Variants in PTPRD observed in about 807,000 individuals in gnomAD.
PTPRD encodes protein tyrosine phosphatase receptor type D, also known as receptor-type tyrosine-protein phosphatase delta.
PTPRD carries 34 observed loss-of-function variants against 214.5 expected under a neutral mutation model. That is an observed-to-expected ratio of 0.16 (90% CI 0.12 to 0.21). The LOEUF (loss-of-function observed/expected upper bound fraction) is 0.21, where lower values mean the gene tolerates loss of function less well. Among genes scored for constraint, PTPRD ranks in the 10% least tolerant of loss-of-function variants. The pLI, the probability that PTPRD is intolerant of heterozygous loss-of-function variation, is 1.00. For synonymous variants in PTPRD, 1,128 were observed against 845.7 expected, an observed-to-expected ratio of 1.33 and a Z score of -5.79; for missense variants, 2,545 against 2,398.7, an observed-to-expected ratio of 1.06 and a Z score of -1.27.
At chr9:9,850,178 A>G (rs1294291031) in intron 5 of PTPRD, among the ~76,000 whole-genome samples, 3 of 152,142 alleles carry the variant, frequency 2.0e-5, no homozygotes, top group Non-Finnish European at 4.4e-5. Flanking sequence ...CAAGGATGTA[A>G]AAAGCTGAAT....
chr9:8,888,059 G>A (rs1012601507), intron 11 of PTPRD, among the ~76,000 whole-genome samples: 1 of 152,194 alleles, frequency 6.6e-6, no homozygotes. Flanking sequence ...TTAAAAGGAA[G>A]AATAATTACT....
At chr9:10,409,658 C>G (rs975144094) in intron 2 of PTPRD, among the ~76,000 whole-genome samples, 1 of 151,814 alleles carries the variant, frequency 6.6e-6, no homozygotes, top group Non-Finnish European at 1.5e-5. Context: ...ATACTTGACA[C>G]TTTTCTCTTT....
intron 8 of PTPRD, among the ~76,000 whole-genome samples, chr9:9,424,133 G>T (rs1199142405): frequency 6.6e-6 from 1 of 152,168 alleles, no homozygotes; most frequent in African/African-American, 2.4e-5. Flanking sequence ...TGAAGATCTG[G>T]ACCACTTGAA....
At chr9:8,833,476 T>C (rs2097340597) in intron 11 of PTPRD, among the ~76,000 whole-genome samples, 3 of 152,100 alleles carry the variant, frequency 2.0e-5, no homozygotes, top group South Asian at 4.1e-4. Flanking sequence ...TATATTCTAA[T>C]TAGCCTCTAG....
At chr9:8,919,673 A>G (rs12341653) in intron 11 of PTPRD, among the ~76,000 whole-genome samples, 6,635 of 152,176 alleles carry the variant, frequency 0.044, 460 homozygotes, top group African/African-American at 0.15. Context: ...GGAATCACTA[A>G]TGTGTATATA....
chr9:9,521,856 GA>G (rs1023313901), intron 8 of PTPRD, among the ~76,000 whole-genome samples: 2 of 151,792 alleles, frequency 1.3e-5, no homozygotes, highest in African/African-American at 2.4e-5. Context: ...AAATACTACA[GA>G]AAAAAAATGG....
In PTPRD at chr9:8,314,333, C is replaced by G. The variant is rs369727137; in HGVS notation, c.*3541G>C. 1 of 226,564 alleles carries G rather than the reference C, an allele frequency of 4.4e-6. No homozygotes were observed. The highest frequency in any genetic ancestry group is 2.2e-5 in the African/African-American group (1 of 44,926). The allele number at this position is 226,564 out of a possible 1,614,324, so 14.0% of individuals were successfully genotyped here. On this transcript the variant is annotated 3_prime_UTR_variant, in exon 46 of 46. Transcript: ENST00000381196. ...AACTGATTTTCATACAGACTTCTTT[C>G]GCCACCAATGTAACGAAGTAAGAAA...
intron 3 of PTPRD, among the ~76,000 whole-genome samples, chr9:10,299,531 C>G (rs663047): frequency 1 from 152,282 of 152,284 alleles, 76,140 homozygotes; most frequent in Middle Eastern, 1. Context: ...AGGTTTTTGT[C>G]AGGTCAAGGT....
At chr9:8,693,937 A>T (rs1008061283) in intron 12 of PTPRD, among the ~76,000 whole-genome samples, 15 of 152,238 alleles carry the variant, frequency 9.9e-5, no homozygotes, top group African/African-American at 3.4e-4. Context: ...AGAAGCACTG[A>T]AAGATGCAGA....
At chr9:9,569,052 C>T (rs1301513924) in intron 8 of PTPRD, among the ~76,000 whole-genome samples, 1 of 151,766 alleles carries the variant, frequency 6.6e-6, no homozygotes, top group Non-Finnish European at 1.5e-5. Flanking sequence ...TGCCCACTTT[C>T]TCATTTTGCT....
intron 14 of PTPRD, among the ~76,000 whole-genome samples, chr9:8,533,786 T>C (rs539135296): frequency 7.3e-4 from 111 of 152,148 alleles, no homozygotes; most frequent in African/African-American, 2.6e-3. Flanking sequence ...CAACAAATAC[T>C]CACAATTAGA....
intron 11 of PTPRD, among the ~76,000 whole-genome samples, chr9:8,985,846 G>T (rs1443405407): frequency 6.6e-6 from 1 of 151,976 alleles, no homozygotes; most frequent in African/African-American, 2.4e-5. Context: ...AGAAGATTAT[G>T]TTCATGCACA....
chr9:10,342,169 T>G (rs1000199638), intron 2 of PTPRD, among the ~76,000 whole-genome samples: 2 of 152,058 alleles, frequency 1.3e-5, no homozygotes, highest in Admixed American at 1.3e-4. Flanking sequence ...TTCATTTCAC[T>G]GGAAGATCAT....
intron 2 of PTPRD, among the ~76,000 whole-genome samples, chr9:10,576,064 C>A (rs2069207821): frequency 6.6e-6 from 1 of 152,056 alleles, no homozygotes; most frequent in African/African-American, 2.4e-5. Flanking sequence ...CTGTTGGAGT[C>A]TAAAAAAAAT....
intron 2 of PTPRD, among the ~76,000 whole-genome samples, chr9:10,517,252 T>C (rs757168061): frequency 1.9e-4 from 29 of 152,012 alleles, no homozygotes; most frequent in Non-Finnish European, 4.0e-4. Context: ...CATCAGTGTT[T>C]TGTATTTTTC....
intron 10 of PTPRD, among the ~76,000 whole-genome samples, chr9:9,109,817 T>A (rs984028145): frequency 1.3e-5 from 2 of 152,148 alleles, no homozygotes; most frequent in South Asian, 2.1e-4. Context: ...ATGGTGGCCT[T>A]CTTGGTCTGA....
At chr9:9,562,887 C>T (rs1410185922) in intron 8 of PTPRD, among the ~76,000 whole-genome samples, 1 of 152,148 alleles carries the variant, frequency 6.6e-6, no homozygotes, top group Admixed American at 6.5e-5. Context: ...CATCTCTCCA[C>T]ACTGGAATCC....
At chr9:9,837,153 A>G (rs2057000538) in intron 5 of PTPRD, among the ~76,000 whole-genome samples, 1 of 152,126 alleles carries the variant, frequency 6.6e-6, no homozygotes, top group Non-Finnish European at 1.5e-5. Context: ...TGTATTAAGT[A>G]TGTGTGTGGT....
rs1032306826 is a variant in PTPRD at position 9,959,970 on chromosome 9, G to A, written c.-471-21360C>T. 7.9e-5 allele frequency among the ~76,000 whole-genome samples: 12 copies of A among 151,980 alleles called. 1 individual carries two copies. The highest frequency in any genetic ancestry group is 1.3e-4 in the Non-Finnish European group (9 of 67,990). ...TTATGATTAAGCACATATATTTTTTGCTCTGTCTGCCTAGAGGGCCTAGAA... is the reference window on the plus strand; with the variant it reads ...TTATGATTAAGCACATATATTTTTTACTCTGTCTGCCTAGAGGGCCTAGAA... On this transcript the variant is annotated intron_variant, in intron 4 of 45. Coordinates refer to ENST00000381196, the MANE Select transcript of PTPRD (RefSeq NM_002839.4).
Sources: gnomAD v4.1 joint callset for allele counts (sites outside exome capture counted in the v4.1 genomes callset) on GRCh38, gnomAD v4.1.1 for gene constraint, MANE v1.5 for transcripts, NCBI Gene and HGNC (gene_info 2026-07-23, HGNC 2026-07-21) for gene names.